Variants in C2orf80 observed in about 807,000 individuals in gnomAD.
C2orf80 encodes chromosome 2 open reading frame 80.
C2orf80 carries 28 observed loss-of-function variants against 30.2 expected under a neutral mutation model. That is an observed-to-expected ratio of 0.93 (90% CI 0.69 to 1.27). The LOEUF (loss-of-function observed/expected upper bound fraction) is 1.27, where lower values mean the gene tolerates loss of function less well. Among genes scored for constraint, C2orf80 ranks in the 50% most tolerant of loss-of-function variants. The pLI is 0.00. For missense variants in C2orf80, 220 were observed against 231.0 expected (o/e 0.95, Z 0.31); for synonymous variants, 80 against 76.4 (o/e 1.05, Z -0.24).
chr2:208,165,595 A>T lies in C2orf80; in HGVS notation c.*212T>A. Reference sequence around the variant, plus strand: ...AGTCTTCCAGTCACAATGAAGTAGCATAAGGTCACAGTTTTTTTTTTTAAG... The same window carrying T: ...AGTCTTCCAGTCACAATGAAGTAGCTTAAGGTCACAGTTTTTTTTTTTAAG... On this transcript the variant is annotated 3_prime_UTR_variant, in exon 9 of 9. Coordinates refer to ENST00000341287, the MANE Select transcript of C2orf80 (RefSeq NM_001099334.3). 1 of 517,988 alleles carries T rather than the reference A, an allele frequency of 1.9e-6. No homozygotes were observed. 32.1% of individuals were successfully genotyped at this position (517,988 alleles called of 1,614,324 possible). A position where few individuals can be genotyped will look rare whatever the true frequency, so the allele number is the denominator to read the frequency against.
chr2:208,165,879 T>C (rs1045703647), intron 8 of C2orf80, 64 bp from the exon 9 acceptor site: 8 of 1,154,824 alleles, frequency 6.9e-6, no homozygotes, highest in Non-Finnish European at 1.0e-5. Flanking sequence ...AGACATTACT[T>C]TAAGTCTATA....
intron 1 of C2orf80, 181 bp downstream of exon 1, chr2:208,189,772 T>G: frequency 1.6e-6 from 1 of 611,982 alleles, no homozygotes; most frequent in Non-Finnish European, 2.9e-6. Flanking sequence ...CTTTAGCTGT[T>G]TCATAGAAAC....
At position 208,170,949 on chromosome 2, in the gene C2orf80, T is replaced by C; in HGVS notation, c.569A>G (p.His190Arg). 1.2e-6 allele frequency: 2 copies of C among 1,613,172 alleles called. No individual in the cohort carries two copies. The highest frequency in any genetic ancestry group is 1.7e-6 in the Non-Finnish European group (2 of 1,179,090). Reference protein sequence around the residue: ...SQRFSDTQPKHKVT With the variant: ...SQRFSDTQPKRKVT ...AATTTACAATCTCACACCTACTTTG[T>C]GCTTTGGCTGTGTGTCTGAAAACCT... Residue 190 changes from histidine (H) to arginine (R), a missense_variant, in exon 8 of 9, where the codon CAC becomes CGC. By Grantham distance (29) the His-to-Arg change is conservative (BLOSUM62 0). Transcript: ENST00000341287.
chr2:208,178,971 C>G (rs1372018117), intron 6 of C2orf80, among the ~76,000 whole-genome samples: 1 of 152,098 alleles, frequency 6.6e-6, no homozygotes, highest in Admixed American at 6.5e-5. Flanking sequence ...GTTGGCCAGG[C>G]TAGTCTCAAA....
In C2orf80 at chr2:208,180,752, G is replaced by A; in HGVS notation, c.359C>T (p.Thr120Ile). ...YGADSSADSG[T>I]IKVPRVSSLC... ...ATCCCAGGTCACCCTTACCTTGATG[G>A]TACCAGAATCGGCAGAAGAATCAGC... The change falls in exon 6 of 9, where the codon ACC becomes ATC. Residue 120 changes from threonine (T) to isoleucine (I), a missense_variant. Coordinates refer to ENST00000341287, the MANE Select transcript of C2orf80 (RefSeq NM_001099334.3). 1 of 1,613,078 alleles carries A rather than the reference G, an allele frequency of 6.2e-7. No individual in the cohort carries two copies. Among genetic ancestry groups the A allele is most frequent in the Non-Finnish European group, 8.5e-7 (1 of 1,179,362 alleles).
intron 1 of C2orf80, among the ~76,000 whole-genome samples, chr2:208,188,902 G>A (rs2105917267): frequency 6.6e-6 from 1 of 152,294 alleles, no homozygotes. Context: ...AGAGTCAATG[G>A]GGAGAGGATG....
At chr2:208,185,241 T>C (rs186790776) in intron 2 of C2orf80, among the ~76,000 whole-genome samples, 1 of 152,138 alleles carries the variant, frequency 6.6e-6, no homozygotes, top group Non-Finnish European at 1.5e-5. Flanking sequence ...TTAACTGAAA[T>C]AACATTTATC....
chr2:208,189,807 A>C (rs1218738601), intron 1 of C2orf80, 146 bp downstream of exon 1: 1 of 642,234 alleles, frequency 1.6e-6, no homozygotes, highest in Non-Finnish European at 2.8e-6. Flanking sequence ...CAGAGCCCCC[A>C]AATTCTATAG....
chr2:208,177,997 T>C (rs758374238), intron 6 of C2orf80, among the ~76,000 whole-genome samples: 16 of 151,900 alleles, frequency 1.1e-4, no homozygotes, highest in Non-Finnish European at 1.9e-4. Context: ...TTTGTGTTTT[T>C]AGTAGAGATA....
chr2:208,169,326 T>C (rs1158155995), intron 8 of C2orf80, among the ~76,000 whole-genome samples: 1 of 149,734 alleles, frequency 6.7e-6, no homozygotes, highest in Non-Finnish European at 1.5e-5. Context: ...TTTTTCATTG[T>C]TGTTTTGTTT....
At chr2:208,168,870 G>C (rs1319753904) in intron 8 of C2orf80, among the ~76,000 whole-genome samples, 1 of 150,448 alleles carries the variant, frequency 6.6e-6, no homozygotes, top group Non-Finnish European at 1.5e-5. Flanking sequence ...TCAGCCTATA[G>C]AAAGGTCTGG....
chr2:208,182,557 C>T (rs1044971905), intron 4 of C2orf80, among the ~76,000 whole-genome samples: 3 of 152,142 alleles, frequency 2.0e-5, no homozygotes, highest in African/African-American at 7.2e-5. Flanking sequence ...TGCGCCACCA[C>T]GCTAGGCGAA....
intron 1 of C2orf80, 145 bp downstream of exon 1, chr2:208,189,808 A>G (rs1696823174): frequency 1.6e-6 from 1 of 641,914 alleles, no homozygotes; most frequent in Non-Finnish European, 2.8e-6. Flanking sequence ...AGAGCCCCCA[A>G]ATTCTATAGG....
At position 208,183,084 on chromosome 2, in the gene C2orf80, T is replaced by C. The variant is rs754711074; in HGVS notation, c.124-37A>G. 4 of 1,573,614 alleles carry C rather than the reference T, an allele frequency of 2.5e-6. No individual in the cohort carries two copies. In the South Asian group the frequency reaches 4.4e-5, roughly 17 times the overall value. ...AAGCACAGAGAGCAAAGAAACAGGC[T>C]TAGACATTGGCCGAAGTACTCCCTG... is the stretch of plus-strand genomic sequence containing the variant. On this transcript the variant is annotated intron_variant, in intron 3 of 8. Transcript: ENST00000341287.
chr2:208,184,908 CAT>C (rs1559344765), intron 3 of C2orf80, 41 bp downstream of exon 3: 21 of 1,476,448 alleles, frequency 1.4e-5, no homozygotes, highest in Non-Finnish European at 1.7e-5. Context: ...CTTTAATACA[CAT>C]ATAACACAAA....
chr2:208,186,157 A>G (rs762630374), intron 2 of C2orf80, among the ~76,000 whole-genome samples: 2 of 148,756 alleles, frequency 1.3e-5, no homozygotes, highest in Admixed American at 6.8e-5. Flanking sequence ...CGTGTACTAT[A>G]TATGAATTCA....
chr2:208,175,606 A>T (rs1696262809), intron 6 of C2orf80, among the ~76,000 whole-genome samples: 1 of 152,178 alleles, frequency 6.6e-6, no homozygotes, highest in African/African-American at 2.4e-5. Flanking sequence ...AATTCTTCAT[A>T]ATCTGATTAG....
chr2:208,180,871 A>G, intron 5 of C2orf80, 55 bp from the exon 6 acceptor site: 1 of 1,474,528 alleles, frequency 6.8e-7, no homozygotes. Flanking sequence ...CTTTTCTTTT[A>G]TTATAAAACA....
intron 1 of C2orf80, among the ~76,000 whole-genome samples, chr2:208,187,786 T>C (rs187983932): frequency 3.2e-4 from 48 of 151,864 alleles, no homozygotes; most frequent in African/African-American, 1.1e-3. Context: ...ATGTTTCTGG[T>C]GTTTTTTTTT....
Sources: allele counts gnomAD v4.1 joint callset (sites outside exome capture counted in the v4.1 genomes callset), GRCh38; gene constraint gnomAD v4.1.1; transcripts MANE v1.5; gene names NCBI Gene and HGNC (gene_info 2026-07-23, HGNC 2026-07-21).